The following TICRR variants were observed in gnomAD, a reference collection of about 807,000 sequenced individuals.
TICRR encodes treslin.
TICRR carries 132 observed loss-of-function variants against 178.1 expected under a neutral mutation model. The ratio of observed to expected loss-of-function variants is 0.74; its 90% CI spans 0.64 to 0.86. The LOEUF (loss-of-function observed/expected upper bound fraction) is 0.86, where lower values mean the gene tolerates loss of function less well. Ranked by LOEUF, TICRR falls within the 40% of genes least tolerant of loss-of-function variation. The pLI is 0.00. For missense variants in TICRR, 2,587 were observed against 2,334.3 expected (o/e 1.11, Z -2.23); for synonymous variants, 991 against 900.7 (o/e 1.10, Z -1.79).
Position 89,621,444 on chromosome 15 carries a change from T to C in TICRR, c.3206T>C (p.Leu1069Pro). 1 of 1,613,910 alleles carries C rather than the reference T, an allele frequency of 6.2e-7. No homozygotes were observed. Residue 1069 changes from leucine to proline, a missense_variant, in exon 19 of 22, where the codon CTT becomes CCT. By Grantham distance (98) the Leu-to-Pro change is moderately conservative. Coordinates refer to ENST00000268138, the MANE Select transcript of TICRR (RefSeq NM_152259.4). ...AGTATTCGGTCTCCCAAGAGTCTTCTTTTTGGGGCAATGTCTGAGATGATC... is the reference window on the plus strand; with the variant it reads ...AGTATTCGGTCTCCCAAGAGTCTTCCTTTTGGGGCAATGTCTGAGATGATC... The part of the protein sequence containing the change: ...VQSIRSPKSL[L>P]FGAMSEMISP...
intron 16 of TICRR, among the ~76,000 whole-genome samples, 162 bp downstream of exon 16, chr15:89,616,657 C>T (rs1022344548): frequency 6.6e-6 from 1 of 152,204 alleles, no homozygotes; most frequent in African/African-American, 2.4e-5. Flanking sequence ...GCAGGAGAAC[C>T]ATATAAAATA....
intron 17 of TICRR, 38 bp downstream of exon 17, chr15:89,618,248 C>T: frequency 4.4e-6 from 7 of 1,587,414 alleles, no homozygotes; most frequent in Non-Finnish European, 6.1e-6. Context: ...TGCAATCTAC[C>T]CAGCTTCTAT....
At position 89,594,401 on chromosome 15, in the gene TICRR, T is replaced by C; in HGVS notation, c.1542-14T>C. Reference sequence around the variant, plus strand: ...TAGAATGTTGGTTTTATTCTAGACATCTTGACTTCACAGGTTACTACAGGC... The same window carrying C: ...TAGAATGTTGGTTTTATTCTAGACACCTTGACTTCACAGGTTACTACAGGC... On this transcript the variant is annotated splice_polypyrimidine_tract_variant and intron_variant, in intron 5 of 21. Transcript: ENST00000268138. 1 of 1,594,804 alleles carries C rather than the reference T, an allele frequency of 6.3e-7. No homozygotes were observed. Among genetic ancestry groups the C allele is most frequent in the Non-Finnish European group, 8.5e-7 (1 of 1,171,010 alleles).
intron 1 of TICRR, chr15:89,580,241 C>A (rs1962700273): frequency 6.6e-6 from 1 of 152,250 alleles, no homozygotes; most frequent in Non-Finnish European, 1.5e-5. Context: ...TGGTCTTGAA[C>A]TCCTGACCTC....
At chr15:89,622,049 C>T (rs916324763) in intron 19 of TICRR, among the ~76,000 whole-genome samples, 4 of 136,280 alleles carry the variant, frequency 2.9e-5, no homozygotes, top group East Asian at 2.1e-4. Flanking sequence ...TGCAGTGGCA[C>T]GATCTCAGCT....
intron 19 of TICRR, among the ~76,000 whole-genome samples, chr15:89,622,564 A>G (rs906197603): frequency 6.6e-6 from 1 of 152,184 alleles, no homozygotes; most frequent in Non-Finnish European, 1.5e-5. Context: ...GAAACTCAGT[A>G]AATTGCTTGG....
intron 14 of TICRR, among the ~76,000 whole-genome samples, chr15:89,607,094 C>T (rs1048280428): frequency 3.3e-5 from 5 of 151,912 alleles, no homozygotes; most frequent in African/African-American, 1.2e-4. Flanking sequence ...AGAAAAGAGG[C>T]AGTGGGACTG....
At chr15:89,598,360 A>ATTGT (rs34292283) in intron 7 of TICRR, among the ~76,000 whole-genome samples, 72,326 of 150,928 alleles carry the variant, frequency 0.48, 18,465 homozygotes, top group Non-Finnish European at 0.58. Context: ...CTACCTTTAA[A>ATTGT]TTGTTTGTTT....
At position 89,621,394 on chromosome 15, in the gene TICRR, C is replaced by A. The variant is rs375013994; in HGVS notation, c.3156C>A (p.Asp1052Glu). 32 of 1,592,114 alleles carry A rather than the reference C, an allele frequency of 2.0e-5. No individual in the cohort carries two copies. In the African/African-American group the frequency reaches 2.0e-4, roughly 10 times the overall value. ...ATTGTTGCTGTTTTTGACTTGCAGA[C>A]CAAAGAGAAAATTCTCCAGTCCAAA... ...RVHSFQQDKS[D>E]QRENSPVQSI... The change falls in exon 19 of 22, where the codon GAC becomes GAA. Residue 1052 changes from aspartate (D) to glutamate (E), a missense_variant and splice_region_variant. By Grantham distance (45) the Asp-to-Glu change is conservative (BLOSUM62 2). Transcript: ENST00000268138.
intron 14 of TICRR, 82 bp downstream of exon 14, chr15:89,606,907 C>A: frequency 8.2e-7 from 1 of 1,217,738 alleles, no homozygotes; most frequent in Non-Finnish European, 1.2e-6. Context: ...CAGCTGCTTA[C>A]AGGTGTAAAT....
Position 89,625,217 on chromosome 15 carries a change from A to G in TICRR, c.4907A>G (p.Lys1636Arg). ...CGCCTCTCCCACAGCACACCTGGCA[A>G]GAGCAGGGGGCAAACCTACATCTGC... ...CPRLSHSTPG[K>R]SRGQTYICQA... The change falls in exon 20 of 22, where the codon AAG becomes AGG. Residue 1636 changes from lysine to arginine, a missense_variant. Physicochemically the swap from Lys to Arg is conservative, Grantham distance 26. Transcript: ENST00000268138. The G allele has an allele frequency of 6.2e-7, 1 of 1,613,688 alleles. No homozygotes were observed. Among genetic ancestry groups the G allele is most frequent in the Non-Finnish European group, 8.5e-7 (1 of 1,179,816 alleles).
In TICRR at chr15:89,584,160, T is replaced by C. The variant is rs140988820; in HGVS notation, c.935-126T>C. The C allele has an allele frequency of 1.8e-4, 176 of 987,218 alleles. No individual in the cohort carries two copies. The African/African-American group carries it at 2.4e-3, about 14-fold the overall frequency. 61.2% of individuals were successfully genotyped at this position (987,218 alleles called of 1,614,324 possible). A position where few individuals can be genotyped will look rare whatever the true frequency, so the allele number is the denominator to read the frequency against. On this transcript the variant is annotated intron_variant, in intron 2 of 21. Transcript: ENST00000268138. ...GTTCAACTAAGTGACAGTATCTCAA[T>C]TGACAACTTGATTATTTTCTTATTG... is the stretch of plus-strand genomic sequence containing the variant.
intron 4 of TICRR, among the ~76,000 whole-genome samples, chr15:89,586,862 C>A (rs549379476): frequency 6.6e-6 from 1 of 152,254 alleles, no homozygotes; most frequent in Non-Finnish European, 1.5e-5. Context: ...CAGGGCTTTA[C>A]AGGCACTGAA....
In TICRR at chr15:89,599,388, A is replaced by G; in HGVS notation, c.1965A>G (p.Thr655=). Residue 655 remains threonine, a synonymous_variant, in exon 8 of 22, where the codon ACA becomes ACG. Coordinates refer to ENST00000268138, the MANE Select transcript of TICRR (RefSeq NM_152259.4). ...IRENYQKTVA[T]GEIMLYACAR... is the part of the protein sequence containing the mutation. ...AAAATTACCAAAAGACTGTGGCCAC[A>G]GGAGAAATCATGTTGTATGCATGTG... is the stretch of plus-strand genomic sequence containing the variant. The G allele has an allele frequency of 1.2e-6, 2 of 1,613,928 alleles. No individual in the cohort carries two copies. Among genetic ancestry groups the G allele is most frequent in the Non-Finnish European group, 1.7e-6 (2 of 1,179,920 alleles).
chr15:89,625,700 C>G lies in TICRR; in HGVS notation c.5390C>G (p.Ser1797Ter). 1 of 1,613,526 alleles carries G rather than the reference C, an allele frequency of 6.2e-7. No homozygotes were observed. The highest frequency in any genetic ancestry group is 1.7e-5 in the Admixed American group (1 of 60,012). ...AKRICDLREDSEVSKSKEGSP... is the reference protein window; with the variant it reads ...AKRICDLRED ...AGGATCTGTGACCTGAGAGAAGATT[C>G]AGAAGTTAGTAAGAGTAAAGAGGGG... Residue 1797 changes from serine (S) to a stop codon, truncating the protein, a stop_gained, in exon 20 of 22, where the codon TCA becomes TGA. Coordinates refer to ENST00000268138, the MANE Select transcript of TICRR (RefSeq NM_152259.4). LOFTEE classifies it high-confidence loss of function.
chr15:89,606,882 T>C, intron 14 of TICRR, 57 bp downstream of exon 14: 1 of 1,480,042 alleles, frequency 6.8e-7, no homozygotes, highest in Non-Finnish European at 9.4e-7. Context: ...TTTATTTTTA[T>C]TGTATGTATT....
intron 1 of TICRR, 65 bp from the exon 2 acceptor site, chr15:89,582,621 C>A: frequency 6.9e-7 from 1 of 1,455,656 alleles, no homozygotes; most frequent in Non-Finnish European, 9.4e-7. Flanking sequence ...CTCCTGATTT[C>A]CTTTACTTTT....
intron 1 of TICRR, chr15:89,579,627 G>C (rs1962687708): frequency 6.6e-6 from 1 of 151,832 alleles, no homozygotes; most frequent in Non-Finnish European, 1.5e-5. Flanking sequence ...ATTACAGGCT[G>C]TTATTTTTTT....
At chr15:89,616,584 C>T in intron 16 of TICRR, 89 bp downstream of exon 16, 1 of 994,208 alleles carries the variant, frequency 1.0e-6, no homozygotes, top group Non-Finnish European at 1.5e-6. Context: ...TCTTGACCTT[C>T]ATGACTTAAA....
Sources: gnomAD v4.1 joint callset for allele counts (sites outside exome capture counted in the v4.1 genomes callset) on GRCh38, gnomAD v4.1.1 for gene constraint, MANE v1.5 for transcripts, NCBI Gene and HGNC (gene_info 2026-07-23, HGNC 2026-07-21) for gene names.